Variants in VPS13A observed in about 807,000 individuals in gnomAD.
VPS13A encodes vacuolar protein sorting 13 homolog A.
VPS13A carries 264 observed loss-of-function variants against 390.9 expected under a neutral mutation model. That is an observed-to-expected ratio of 0.68 (90% CI 0.61 to 0.75). VPS13A has a LOEUF of 0.75. VPS13A is among the 30% of genes least tolerant of loss of function. The pLI is 0.00. For synonymous variants in VPS13A, 1,231 were observed against 1,227.1 expected, an observed-to-expected ratio of 1.00 and a Z score of -0.07; for missense variants, 3,409 against 3,733.9, an observed-to-expected ratio of 0.91 and a Z score of 2.27.
intron 37 of VPS13A, 77 bp from the exon 38 acceptor site, chr9:77,315,176 G>T (rs1422612523): frequency 6.3e-6 from 8 of 1,266,962 alleles, no homozygotes; most frequent in African/African-American, 1.5e-5. Flanking sequence ...GAGATAAGAG[G>T]TCTTTGAGTT....
intron 45 of VPS13A, among the ~76,000 whole-genome samples, chr9:77,327,334 G>C (rs1241033601): frequency 6.6e-6 from 1 of 152,026 alleles, no homozygotes; most frequent in African/African-American, 2.4e-5. Flanking sequence ...ACTCATTACT[G>C]CTGATTATTT....
At chr9:77,278,878 C>T (rs1299783513) in intron 26 of VPS13A, among the ~76,000 whole-genome samples, 4 of 152,114 alleles carry the variant, frequency 2.6e-5, no homozygotes, top group African/African-American at 9.7e-5. Flanking sequence ...GGGAGAGTTC[C>T]TTTATTCCCC....
At chr9:77,262,501 G>T (rs1465911352) in intron 23 of VPS13A, among the ~76,000 whole-genome samples, 1 of 151,944 alleles carries the variant, frequency 6.6e-6, no homozygotes, top group African/African-American at 2.4e-5. Flanking sequence ...TGTTACATAG[G>T]TATACACGTG....
At chr9:77,245,635 C>G (rs1278725178) in intron 19 of VPS13A, among the ~76,000 whole-genome samples, 1 of 152,068 alleles carries the variant, frequency 6.6e-6, no homozygotes, top group Non-Finnish European at 1.5e-5. Flanking sequence ...TGGGAAATGC[C>G]AGGGTTTTTT....
At position 77,358,233 on chromosome 9, in the gene VPS13A, G is replaced by A. The variant is rs771732123; in HGVS notation, c.7954-124G>A. On this transcript the variant is annotated intron_variant, in intron 56 of 71. Transcript: ENST00000360280. ...GGCCTCCCAAAGTGCTGGGATTACAGGCGTGAGCCACCGTGCTTGGTCACC... is the reference window on the plus strand; with the variant it reads ...GGCCTCCCAAAGTGCTGGGATTACAAGCGTGAGCCACCGTGCTTGGTCACC... 3.0e-5 allele frequency: 25 copies of A among 833,706 alleles called. No homozygotes were observed. The Admixed American group carries it at 5.0e-4, about 17-fold the overall frequency. 51.6% of individuals were successfully genotyped at this position (833,706 alleles called of 1,614,324 possible). A position where few individuals can be genotyped will look rare whatever the true frequency, so the allele number is the denominator to read the frequency against.
rs981030873 is a variant in VPS13A, at chr9:77,303,132, A to G, written c.3960+70A>G. 4 of 1,533,828 alleles carry G rather than the reference A, an allele frequency of 2.6e-6. No individual in the cohort carries two copies. The South Asian group carries it at 3.4e-5, about 13-fold the overall frequency. ...AAAATACTGCTTGGGGACATAAGGC[A>G]TCATTTGAGTGGAATTTGTATATAC... On this transcript the variant is annotated intron_variant, in intron 34 of 71. Transcript: ENST00000360280.
chr9:77,208,629 A>C (rs927998204), intron 5 of VPS13A, among the ~76,000 whole-genome samples: 2 of 147,576 alleles, frequency 1.4e-5, no homozygotes, highest in Admixed American at 6.7e-5. Context: ...GGCTCACTGC[A>C]GCCTCCACCT....
intron 68 of VPS13A, chr9:77,384,851 A>C: frequency 6.9e-7 from 1 of 1,441,854 alleles, no homozygotes; most frequent in Non-Finnish European, 9.1e-7. Context: ...TAAGCACAGA[A>C]AAAAATGTAT....
intron 19 of VPS13A, among the ~76,000 whole-genome samples, chr9:77,239,411 T>A (rs551166164): frequency 7.2e-5 from 11 of 151,898 alleles, no homozygotes; most frequent in African/African-American, 1.9e-4. Flanking sequence ...AAAAAAAAAA[T>A]AAATTTTAAG....
At chr9:77,194,732 A>T (rs891646737) in intron 1 of VPS13A, among the ~76,000 whole-genome samples, 1 of 151,918 alleles carries the variant, frequency 6.6e-6, no homozygotes, top group East Asian at 1.9e-4. Context: ...GTGCTAGGGG[A>T]GCTCCCTGTA....
At chr9:77,353,709 A>T (rs887358565) in intron 54 of VPS13A, 68 bp downstream of exon 54, 1 of 1,394,308 alleles carries the variant, frequency 7.2e-7, no homozygotes, top group African/African-American at 1.4e-5. Flanking sequence ...TTGTTATTGT[A>T]AAATCTCAAA....
At chr9:77,208,828 G>T (rs1220409826) in intron 5 of VPS13A, among the ~76,000 whole-genome samples, 1 of 152,224 alleles carries the variant, frequency 6.6e-6, no homozygotes, top group African/African-American at 2.4e-5. Flanking sequence ...GGGATTACAG[G>T]TGTGAGCCAC....
At chr9:77,369,483 T>A in intron 63 of VPS13A, 71 bp downstream of exon 63, 3 of 1,015,484 alleles carry the variant, frequency 3.0e-6, no homozygotes, top group South Asian at 1.3e-5. Context: ...TTTTCTATTG[T>A]TAAGTTGAGT....
At chr9:77,185,820 A>C (rs1029225042) in intron 1 of VPS13A, among the ~76,000 whole-genome samples, 1 of 152,178 alleles carries the variant, frequency 6.6e-6, no homozygotes, top group Non-Finnish European at 1.5e-5. Context: ...AAACTAGTCC[A>C]AGTCCACGTC....
intron 68 of VPS13A, chr9:77,385,246 A>T (rs1229779159): frequency 2.5e-6 from 2 of 791,302 alleles, no homozygotes; most frequent in Non-Finnish European, 1.5e-6. Context: ...CTGCTATTAT[A>T]AAAAACAGTC....
chr9:77,183,994 G>T (rs62571459), intron 1 of VPS13A, among the ~76,000 whole-genome samples: 5,377 of 152,320 alleles, frequency 0.035, 119 homozygotes, highest in Non-Finnish European at 0.052. Context: ...ATAAGTTGTA[G>T]AGATGAGCTC....
At chr9:77,205,273 A>G in intron 3 of VPS13A, 40 bp from the exon 4 acceptor site, 2 of 1,143,988 alleles carry the variant, frequency 1.7e-6, no homozygotes, top group Middle Eastern at 2.1e-4. Flanking sequence ...TTGAAGGAGT[A>G]ATATTTTTTG....
chr9:77,371,055 T>C lies in VPS13A; in HGVS notation c.8983T>C (p.Phe2995Leu), dbSNP rs576250118. 7 of 1,614,166 alleles carry C rather than the reference T, an allele frequency of 4.3e-6. No homozygotes were observed. The African/African-American group carries it at 9.3e-5, about 22-fold the overall frequency. The change falls in exon 67 of 72, where the codon TTT becomes CTT. Residue 2995 changes from phenylalanine to leucine, a missense_variant. Physicochemically the swap from Phe to Leu is conservative, Grantham distance 22. Around this residue, in one of 5 missense-constraint regions of VPS13A, gnomAD observed 318 missense variants for 333.7 expected, o/e 0.95. Coordinates refer to ENST00000360280, the MANE Select transcript of VPS13A (RefSeq NM_033305.3). ...GAQKGGAAGF[F>L]KGVGKGLVGA... ...TCAAAAAGGAGGAGCAGCTGGTTTC[T>C]TTAAAGGTGTTGGGAAAGGTTTAGT...
intron 14 of VPS13A, among the ~76,000 whole-genome samples, 174 bp from the exon 15 acceptor site, chr9:77,226,292 C>T (rs1365823143): frequency 2.0e-5 from 3 of 151,836 alleles, no homozygotes; most frequent in African/African-American, 4.8e-5. Context: ...ATGTGGTACT[C>T]CTAAATTCTT....
Sources: gnomAD v4.1 joint callset for allele counts (sites outside exome capture counted in the v4.1 genomes callset) on GRCh38, gnomAD v4.1.1 for gene constraint, gnomAD v4.1.1 regional missense constraint, MANE v1.5 for transcripts, NCBI Gene and HGNC (gene_info 2026-07-23, HGNC 2026-07-21) for gene names.